The following GTF3C2 variants were observed in gnomAD, a reference collection of about 807,000 sequenced individuals.
GTF3C2 encodes general transcription factor 3C polypeptide 2.
GTF3C2 carries 17 observed loss-of-function variants against 117.4 expected under a neutral mutation model. That is an observed-to-expected ratio of 0.14 (90% CI 0.10 to 0.22). The LOEUF is 0.22. Among genes scored for constraint, GTF3C2 ranks in the 10% least tolerant of loss-of-function variants. GTF3C2 has a pLI of 1.00. For missense variants in GTF3C2, 888 were observed against 1,143.6 expected (o/e 0.78, Z 3.22); for synonymous variants, 437 against 427.0 (o/e 1.02, Z -0.29).
chr2:27,327,886 A>C (rs951613145), intron 17 of GTF3C2, 151 bp downstream of exon 17: 19 of 593,504 alleles, frequency 3.2e-5, no homozygotes, highest in Non-Finnish European at 4.9e-5. Context: ...TAATCCCCCC[A>C]AACTGCTGGG....
intron 5 of GTF3C2, 109 bp downstream of exon 5, chr2:27,337,817 G>T: frequency 1.3e-6 from 1 of 756,500 alleles, no homozygotes; most frequent in South Asian, 1.4e-5. Flanking sequence ...ATGTCATCAC[G>T]GTATTCCACC....
At position 27,342,960 on chromosome 2, in the gene GTF3C2, T is replaced by C. The variant is rs189826094; in HGVS notation, c.435A>G (p.Arg145=). Residue 145 remains arginine (R), a synonymous_variant, in exon 3 of 19, where the codon CGA becomes CGG. Transcript: ENST00000264720. ...GCAGCAGCAGCTCTGCCTTGGACTT[T>C]CGACCTCGTTTCTTAGGCATGGGGG... 4.3e-6 allele frequency: 7 copies of C among 1,614,096 alleles called. 1 individual carries two copies. Among genetic ancestry groups the C allele is most frequent in the African/African-American group, 1.3e-5 (1 of 74,932 alleles).
chr2:27,349,691 T>C (rs1572583927), intron 1 of GTF3C2, among the ~76,000 whole-genome samples: 1 of 151,894 alleles, frequency 6.6e-6, no homozygotes, highest in East Asian at 1.9e-4. Context: ...CAGGCTGGAA[T>C]GCAGTGGCGT....
At chr2:27,351,675 G>T (rs376691286) in intron 1 of GTF3C2, among the ~76,000 whole-genome samples, 1 of 152,056 alleles carries the variant, frequency 6.6e-6, no homozygotes, top group Non-Finnish European at 1.5e-5. Flanking sequence ...AGTTCTCCAG[G>T]AGCATATTTG....
intron 11 of GTF3C2, 71 bp downstream of exon 11, chr2:27,333,903 C>T: frequency 6.9e-7 from 1 of 1,453,912 alleles, no homozygotes. Flanking sequence ...TAAGGAGACT[C>T]ACTGTGGAAT....
At chr2:27,326,929 A>C in intron 18 of GTF3C2, 36 bp from the exon 19 acceptor site, 837 of 1,382,176 alleles carry the variant, frequency 6.1e-4, no homozygotes, top group Non-Finnish European at 7.8e-4. Flanking sequence ...AGAGATGCTC[A>C]TGGGTGGTGC....
chr2:27,344,309 G>A (rs953924805), intron 1 of GTF3C2, among the ~76,000 whole-genome samples: 1 of 152,140 alleles, frequency 6.6e-6, no homozygotes, highest in East Asian at 1.9e-4. Flanking sequence ...CAGATAATGA[G>A]TCACTGCGCC....
exon 19 of GTF3C2, chr2:27,326,343 A>G (rs1680072110): frequency 2.1e-6 from 1 of 465,330 alleles, no homozygotes; most frequent in African/African-American, 2.0e-5. Flanking sequence ...AACACCCAGT[A>G]CCTTTACTTG....
In GTF3C2 at chr2:27,335,597, C is replaced by G. The variant is rs1350517967; in HGVS notation, c.1576+1G>C. 1.3e-6 allele frequency: 2 copies of G among 1,505,674 alleles called. No individual in the cohort carries two copies. The highest frequency in any genetic ancestry group is 1.8e-6 in the Non-Finnish European group (2 of 1,104,594). The allele number at this position is 1,505,674 out of a possible 1,614,324, so 93.3% of individuals were successfully genotyped here. A position where few individuals can be genotyped will look rare whatever the true frequency, so the allele number is the denominator to read the frequency against. On this transcript the variant is annotated splice_donor_variant, in intron 10 of 18. Coordinates refer to ENST00000264720, the Ensembl canonical transcript of GTF3C2. LOFTEE classifies it high-confidence loss of function. ...CCCATTCTCCTTGCTGTGCTACTCA[C>G]CTGGGGGTTGCTGAGCCAGCAGGGC... is the stretch of plus-strand genomic sequence containing the variant.
exon 19 of GTF3C2, chr2:27,326,032 G>A (rs1484016989): frequency 5.7e-6 from 2 of 350,188 alleles, no homozygotes; most frequent in South Asian, 2.2e-5. Flanking sequence ...AAACATGACT[G>A]TTCAGGAGTG....
At chr2:27,337,827 C>T in intron 5 of GTF3C2, 99 bp downstream of exon 5, 1 of 784,458 alleles carries the variant, frequency 1.3e-6, no homozygotes, top group Non-Finnish European at 2.3e-6. Flanking sequence ...GGTATTCCAC[C>T]CATGAGTGCT....
exon 16 of GTF3C2, chr2:27,328,552 A>C (rs764186680): frequency 1.2e-6 from 2 of 1,609,676 alleles, no homozygotes; most frequent in Non-Finnish European, 1.7e-6. Context: ...CCCCGGATAT[A>C]TCTCCTGCAG....
In GTF3C2 at chr2:27,356,466, C is replaced by G. The variant is rs199607072; in HGVS notation, c.-25+273G>C. On this transcript the variant is annotated intron_variant, in intron 1 of 18. Transcript: ENST00000264720. ...AGGGACGCTACGTATGCAGCGCCTACGCCCGGACACAGGCTTCCGCGTTAC... is the reference window on the plus strand; with the variant it reads ...AGGGACGCTACGTATGCAGCGCCTAGGCCCGGACACAGGCTTCCGCGTTAC... The G allele has an allele frequency of 4.5e-5, 11 of 242,328 alleles. No individual in the cohort carries two copies. In the East Asian group the frequency reaches 9.3e-4, roughly 20 times the overall value. 15.0% of individuals were successfully genotyped at this position (242,328 alleles called of 1,614,324 possible).
chr2:27,350,635 G>T, intron 1 of GTF3C2: 2 of 374,204 alleles, frequency 5.3e-6, no homozygotes, highest in Non-Finnish European at 7.0e-6. Context: ...CTTTGTCTCT[G>T]CAAAAAAATT....
intron 11 of GTF3C2, 52 bp from the exon 12 acceptor site, chr2:27,333,836 G>A: frequency 1.3e-6 from 2 of 1,573,312 alleles, no homozygotes; most frequent in Non-Finnish European, 1.7e-6. Flanking sequence ...ACACTGTTTG[G>A]AACGAAAGCT....
rs1680209919 is a variant in GTF3C2 at position 27,329,596 on chromosome 2, C to T, written c.1733-73G>A. ...CCTTGCTCTAATTTCTTTCTCTGGG[C>T]TCCTAGGACCTTTGTCTTCTACCCT... On this transcript the variant is annotated intron_variant, in intron 12 of 18. Transcript: ENST00000264720. This position sits in a 1 kb window ranked among gnomAD's most constrained non-coding sequence, Gnocchi z 4.5. The T allele has an allele frequency of 2.8e-6, 4 of 1,441,644 alleles. No individual in the cohort carries two copies. Among genetic ancestry groups the T allele is most frequent in the Middle Eastern group, 2.0e-4 (1 of 5,002 alleles). The allele number at this position is 1,441,644 out of a possible 1,614,324, so 89.3% of individuals were successfully genotyped here.
chr2:27,346,329 CCTTTTTTTTTTTTTTTTTTTTT>C (rs1422859435), intron 1 of GTF3C2, among the ~76,000 whole-genome samples: 3 of 117,396 alleles, frequency 2.6e-5, no homozygotes, highest in African/African-American at 9.0e-5. Context: ...CATTCTGATA[CCTTTTTTTTTTTTTTTTTTTTT>C]TTTTTTTTTT....
chr2:27,328,424 T>C, intron 16 of GTF3C2, 44 bp downstream of exon 16: 1 of 1,607,554 alleles, frequency 6.2e-7, no homozygotes, highest in Non-Finnish European at 8.5e-7. Flanking sequence ...GGAGGGCATG[T>C]GGGTTAGGAT....
Position 27,337,227 on chromosome 2 carries a change from G to A in GTF3C2, c.1127+17C>T, listed in dbSNP as rs537847903. 56 of 1,434,666 alleles carry A rather than the reference G, an allele frequency of 3.9e-5. No homozygotes were observed. Among genetic ancestry groups the A allele is most frequent in the African/African-American group, 1.4e-4 (10 of 70,888 alleles). The allele number at this position is 1,434,666 out of a possible 1,614,324, so 88.9% of individuals were successfully genotyped here. The stretch of plus-strand genomic sequence containing the variant: ...GGCTCCTAGAATCAGAAAAAAGGGC[G>A]GATGTGCAATCTTCACCTGTTTATT... On this transcript the variant is annotated intron_variant, in intron 7 of 18. Coordinates refer to ENST00000264720, the Ensembl canonical transcript of GTF3C2.
Sources: gnomAD v4.1 joint callset for allele counts (sites outside exome capture counted in the v4.1 genomes callset) on GRCh38, gnomAD v4.1.1 for gene constraint, Gnocchi (gnomAD v3.1) non-coding constraint, MANE v1.5 for transcripts, NCBI Gene and HGNC (gene_info 2026-07-23, HGNC 2026-07-21) for gene names.